The following MAPK9 variants were observed in gnomAD, a reference collection of about 807,000 sequenced individuals.
MAPK9 encodes Jun kinase.
A neutral mutation model predicts 57.1 loss-of-function variants in MAPK9; 30 were observed. The observed-to-expected ratio is 0.53, with a 90% CI of 0.39 to 0.71. The LOEUF (loss-of-function observed/expected upper bound fraction) is 0.71. Among genes scored for constraint, MAPK9 ranks in the 30% least tolerant of loss-of-function variants. The pLI, the probability that MAPK9 is intolerant of heterozygous loss-of-function variation, is 0.00. For missense variants in MAPK9, 362 were observed against 521.0 expected (o/e 0.69, Z 2.97); for synonymous variants, 155 against 177.0 (o/e 0.88, Z 0.99).
At chr5:180,257,093 G>A (rs959381892) in intron 5 of MAPK9, among the ~76,000 whole-genome samples, 3 of 152,134 alleles carry the variant, frequency 2.0e-5, no homozygotes, top group African/African-American at 7.2e-5. Context: ...TGGCAGCAAA[G>A]GTTCTATTTT....
intron 2 of MAPK9, among the ~76,000 whole-genome samples, chr5:180,277,838 C>A (rs1347389634): frequency 6.6e-6 from 1 of 152,016 alleles, no homozygotes; most frequent in African/African-American, 2.4e-5. Flanking sequence ...GATTATTTCC[C>A]AATTCTACTT....
At chr5:180,240,250 G>A (rs1175314373) in intron 9 of MAPK9, among the ~76,000 whole-genome samples, 5 of 152,196 alleles carry the variant, frequency 3.3e-5, no homozygotes, top group African/African-American at 7.2e-5. Context: ...CTGCCCAGAT[G>A]TCATTAGAAA....
At chr5:180,242,389 C>T (rs916903492) in intron 8 of MAPK9, among the ~76,000 whole-genome samples, 184 bp downstream of exon 8, 2 of 152,104 alleles carry the variant, frequency 1.3e-5, no homozygotes, top group African/African-American at 2.4e-5. Context: ...TCAATTAAGC[C>T]GTCTTATAGA....
chr5:180,243,471 G>GCCTATTCCA (rs1757817399), intron 7 of MAPK9, among the ~76,000 whole-genome samples: 1 of 152,168 alleles, frequency 6.6e-6, no homozygotes, highest in African/African-American at 2.4e-5. Context: ...TCCACAGGGT[G>GCCTATTCCA]CTTGTTAGGC....
chr5:180,251,240 T>C (rs1043223764), intron 5 of MAPK9, among the ~76,000 whole-genome samples: 1 of 152,008 alleles, frequency 6.6e-6, no homozygotes, highest in Admixed American at 6.6e-5. Flanking sequence ...ATGCACACAC[T>C]TCCCCAGCCA....
chr5:180,255,057 A>C (rs937164407), intron 5 of MAPK9, among the ~76,000 whole-genome samples: 1 of 152,084 alleles, frequency 6.6e-6, no homozygotes, highest in Non-Finnish European at 1.5e-5. Flanking sequence ...TGGCACTAAG[A>C]AACTCCGGAG....
At chr5:180,254,830 C>T (rs556170531) in intron 5 of MAPK9, among the ~76,000 whole-genome samples, 3 of 152,092 alleles carry the variant, frequency 2.0e-5, no homozygotes, top group Non-Finnish European at 4.4e-5. Context: ...GTCAGGAGAT[C>T]GAGACCATCC....
At chr5:180,267,418 T>C (rs185821264) in intron 3 of MAPK9, among the ~76,000 whole-genome samples, 7,967 of 151,526 alleles carry the variant, frequency 0.053, 229 homozygotes, top group South Asian at 0.084. Flanking sequence ...AAAAATTAGC[T>C]GGGTGTGGTG....
At chr5:180,262,761 A>C (rs926789154) in intron 4 of MAPK9, among the ~76,000 whole-genome samples, 7 of 151,844 alleles carry the variant, frequency 4.6e-5, no homozygotes, top group Non-Finnish European at 1.0e-4. Flanking sequence ...TCTTAATCCC[A>C]CTTGGATCAG....
At chr5:180,267,576 A>AG (rs1163938583) in intron 3 of MAPK9, among the ~76,000 whole-genome samples, 6 of 151,460 alleles carry the variant, frequency 4.0e-5, no homozygotes, top group Non-Finnish European at 7.4e-5. Flanking sequence ...AAAAAAAAAA[A>AG]AAAAAGAAAA....
chr5:180,241,823 C>T lies in MAPK9; in HGVS notation c.872-668G>A, dbSNP rs539573385. Reference sequence around the variant, plus strand: ...ATTGCCGAGCTGCGGGTGGCACTGCCCAGAGTGTGGGCATGAGGCACGGGG... The same window carrying T: ...ATTGCCGAGCTGCGGGTGGCACTGCTCAGAGTGTGGGCATGAGGCACGGGG... On this transcript the variant is annotated intron_variant, in intron 8 of 11. Coordinates refer to ENST00000452135, the MANE Select transcript of MAPK9 (RefSeq NM_002752.5). 2.4e-4 allele frequency among the ~76,000 whole-genome samples: 36 copies of T among 152,278 alleles called. No homozygotes were observed. The South Asian group carries it at 7.5e-3, about 32-fold the overall frequency.
At chr5:180,240,216 C>A (rs955651874) in intron 9 of MAPK9, among the ~76,000 whole-genome samples, 2 of 152,186 alleles carry the variant, frequency 1.3e-5, no homozygotes, top group Admixed American at 6.5e-5. Flanking sequence ...TCTTAATAAT[C>A]ACCTGACCTC....
chr5:180,280,508 T>C lies in MAPK9; in HGVS notation c.54A>G (p.Ser18=). The change falls in exon 2 of 12, where the codon TCA becomes TCG. Residue 18 remains serine (S), a synonymous_variant. Transcript: ENST00000452135. ...SQFYSVQVAD[S]TFTVLKRYQQ... Reference sequence around the variant, plus strand: ...GGTAACGTTTTAGGACAGTGAAGGTTGAGTCTGCCACTTGCACACTATAAA... The same window carrying C: ...GGTAACGTTTTAGGACAGTGAAGGTCGAGTCTGCCACTTGCACACTATAAA... 6.2e-7 allele frequency: 1 copy of C among 1,614,234 alleles called. No individual in the cohort carries two copies. Among genetic ancestry groups the C allele is most frequent in the Non-Finnish European group, 8.5e-7 (1 of 1,180,032 alleles).
intron 2 of MAPK9, among the ~76,000 whole-genome samples, chr5:180,276,322 C>A (rs1220911215): frequency 6.6e-6 from 1 of 152,162 alleles, no homozygotes. Context: ...CTTCTAAGAA[C>A]CGCCAGACTC....
intron 5 of MAPK9, among the ~76,000 whole-genome samples, chr5:180,254,979 A>G (rs1479996454): frequency 6.6e-6 from 1 of 152,160 alleles, no homozygotes; most frequent in Non-Finnish European, 1.5e-5. Context: ...GTTTGCACTG[A>G]GCCAAGACCA....
At chr5:180,285,318 C>A (rs541011629) in intron 1 of MAPK9, among the ~76,000 whole-genome samples, 1 of 152,330 alleles carries the variant, frequency 6.6e-6, no homozygotes, top group Admixed American at 6.5e-5. Context: ...ATTCAAGTTC[C>A]TCCCAAAGCA....
intron 1 of MAPK9, among the ~76,000 whole-genome samples, chr5:180,289,793 C>T (rs1361660431): frequency 6.6e-6 from 1 of 152,136 alleles, no homozygotes; most frequent in Non-Finnish European, 1.5e-5. Context: ...TGGCTTGGCT[C>T]ACAGCATTAA....
At chr5:180,287,081 A>T (rs959188953) in intron 1 of MAPK9, 3 of 152,212 alleles carry the variant, frequency 2.0e-5, no homozygotes, top group African/African-American at 7.2e-5. Flanking sequence ...AAAAGACAAA[A>T]GTATAGAGAT....
chr5:180,270,261 T>C (rs189797403), intron 2 of MAPK9, among the ~76,000 whole-genome samples: 315 of 152,366 alleles, frequency 2.1e-3, no homozygotes, highest in African/African-American at 7.3e-3. Context: ...ATTGAGTTTA[T>C]AACATTGTTT....
Sources: gnomAD v4.1 joint callset for allele counts (sites outside exome capture counted in the v4.1 genomes callset) on GRCh38, gnomAD v4.1.1 for gene constraint, MANE v1.5 for transcripts, NCBI Gene and HGNC (gene_info 2026-07-23, HGNC 2026-07-21) for gene names.